The following RNF111 variants were observed in gnomAD, a reference collection of about 807,000 sequenced individuals.
RNF111 encodes the protein ring finger protein 111, also known as E3 ubiquitin-protein ligase Arkadia.
RNF111 carries 17 observed loss-of-function variants against 95.1 expected under a neutral mutation model. The ratio of observed to expected loss-of-function variants is 0.18; its 90% CI spans 0.12 to 0.27. The LOEUF is 0.27. Ranked by LOEUF, RNF111 falls within the 10% of genes least tolerant of loss-of-function variation. The pLI is 1.00. For missense variants in RNF111, 1,189 were observed against 1,210.4 expected, an observed-to-expected ratio of 0.98 and a Z score of 0.26; for synonymous variants, 440 against 414.8, an observed-to-expected ratio of 1.06 and a Z score of -0.74.
At chr15:59,049,693 A>ATATT (rs2041882733) in intron 2 of RNF111, 1 of 156,794 alleles carries the variant, frequency 6.4e-6, no homozygotes, top group Non-Finnish European at 1.4e-5. Context: ...TGCCATGGTA[A>ATATT]TATTTGTGGG....
At chr15:58,993,681 C>T (rs779461908) in intron 1 of RNF111, among the ~76,000 whole-genome samples, 13 of 152,130 alleles carry the variant, frequency 8.5e-5, no homozygotes, top group Non-Finnish European at 1.8e-4. Context: ...GGCACTGTGC[C>T]AGTGCTTGAG....
At chr15:59,089,643 A>T in intron 10 of RNF111, 24 bp from the exon 11 acceptor site, 1 of 1,540,208 alleles carries the variant, frequency 6.5e-7, no homozygotes, top group Non-Finnish European at 9.0e-7. Context: ...AAATTGATTT[A>T]GCCTATCTCT....
Position 59,005,461 on chromosome 15 carries a change from G to T in RNF111, c.-20+17393G>T, listed in dbSNP as rs1042105486. Among the ~76,000 whole-genome samples the T allele has an allele frequency of 7.2e-5, 11 of 152,242 alleles. No homozygotes were observed. The East Asian group carries it at 2.1e-3, about 29-fold the overall frequency. ...AGAAATTGTTTCCTTGGGCAGTTTT[G>T]CTCCCAACATTAGATCCCGCATTCT... is the stretch of plus-strand genomic sequence containing the variant. On this transcript the variant is annotated intron_variant, in intron 1 of 13. Coordinates refer to ENST00000348370, the MANE Select transcript of RNF111 (RefSeq NM_017610.8).
chr15:59,089,661 A>C lies in RNF111; in HGVS notation c.2551-6A>C, dbSNP rs762010431. 27 of 1,608,040 alleles carry C rather than the reference A, an allele frequency of 1.7e-5. No homozygotes were observed. In the Middle Eastern group the frequency reaches 9.9e-4, roughly 59 times the overall value. On this transcript the variant is annotated splice_polypyrimidine_tract_variant and splice_region_variant and intron_variant, in intron 10 of 13. Coordinates refer to ENST00000348370, the MANE Select transcript of RNF111 (RefSeq NM_017610.8). ...TTGATTTAGCCTATCTCTTCTGTTG[A>C]AATAGGTTCCTGATATGGCAGGCTA...
intron 1 of RNF111, among the ~76,000 whole-genome samples, chr15:59,030,538 C>G (rs1205783285): frequency 1.3e-5 from 2 of 152,070 alleles, no homozygotes; most frequent in African/African-American, 4.8e-5. Flanking sequence ...GCAATAAGAT[C>G]AGTTTTTGGT....
At chr15:59,057,559 C>T (rs2042249313) in intron 4 of RNF111, among the ~76,000 whole-genome samples, 1 of 152,124 alleles carries the variant, frequency 6.6e-6, no homozygotes, top group African/African-American at 2.4e-5. Flanking sequence ...TTTTAAGCAA[C>T]CATTTTAAAA....
intron 7 of RNF111, among the ~76,000 whole-genome samples, chr15:59,077,844 A>G (rs1386590693): frequency 3.3e-5 from 5 of 152,202 alleles, no homozygotes; most frequent in African/African-American, 1.2e-4. Flanking sequence ...GGAAATTTAA[A>G]TTGTATTATT....
intron 1 of RNF111, among the ~76,000 whole-genome samples, chr15:59,026,605 A>G (rs2141710172): frequency 6.6e-6 from 1 of 152,270 alleles, no homozygotes; most frequent in Non-Finnish European, 1.5e-5. Context: ...AATTTAGAAT[A>G]TTATCTGTTA....
chr15:59,003,305 C>T (rs1178962433), intron 1 of RNF111, among the ~76,000 whole-genome samples: 1 of 151,924 alleles, frequency 6.6e-6, no homozygotes, highest in Admixed American at 6.6e-5. Context: ...TGCTTTTGCC[C>T]TGTGGCCCAG....
At chr15:59,092,689 G>A in intron 13 of RNF111, 49 bp downstream of exon 13, 2 of 1,515,666 alleles carry the variant, frequency 1.3e-6, no homozygotes, top group Non-Finnish European at 1.8e-6. Context: ...CTGTACATGG[G>A]ATTTTATTTG....
rs1487322271 is a variant in RNF111 at position 59,094,981 on chromosome 15, C to G, written c.*81C>G. 4.1e-5 allele frequency: 35 copies of G among 846,736 alleles called. No homozygotes were observed. The allele number at this position is 846,736 out of a possible 1,614,324, so 52.5% of individuals were successfully genotyped here. A position where few individuals can be genotyped will look rare whatever the true frequency, so the allele number is the denominator to read the frequency against. On this transcript the variant is annotated 3_prime_UTR_variant, in exon 14 of 14. Transcript: ENST00000348370. ...AGTCAACCAAAGATGGCATGACTTA[C>G]CTGCGCAGATTTGGAAGCATTGAAC...
chr15:59,075,297 T>C (rs2043118898), intron 6 of RNF111, among the ~76,000 whole-genome samples: 1 of 152,216 alleles, frequency 6.6e-6, no homozygotes, highest in South Asian at 2.1e-4. Flanking sequence ...TAAATGTGCC[T>C]ATAAAATGCA....
chr15:59,000,338 A>G (rs144790036), intron 1 of RNF111, among the ~76,000 whole-genome samples: 61 of 151,768 alleles, frequency 4.0e-4, no homozygotes, highest in Admixed American at 7.9e-4. Flanking sequence ...TCATTTTTCT[A>G]TTTTTAGTAG....
intron 10 of RNF111, among the ~76,000 whole-genome samples, chr15:59,089,173 T>C (rs2078980663): frequency 6.6e-6 from 1 of 152,104 alleles, no homozygotes; most frequent in Non-Finnish European, 1.5e-5. Context: ...GTGGGTCAGT[T>C]CACACATATG....
chr15:58,989,128 G>A (rs2038695281), intron 1 of RNF111, among the ~76,000 whole-genome samples: 1 of 152,050 alleles, frequency 6.6e-6, no homozygotes, highest in African/African-American at 2.4e-5. Context: ...TGTAACGCTG[G>A]ACTTAGCTTT....
chr15:59,066,639 T>G, intron 5 of RNF111, 125 bp from the exon 6 acceptor site: 2 of 812,148 alleles, frequency 2.5e-6, no homozygotes, highest in South Asian at 3.7e-5. Context: ...ACTATCACAT[T>G]ATTTACAGAG....
intron 12 of RNF111, 106 bp downstream of exon 12, chr15:59,091,260 T>C: frequency 1.7e-6 from 1 of 601,308 alleles, no homozygotes; most frequent in Non-Finnish European, 2.9e-6. Context: ...TTTATTGAAG[T>C]AATGCATACA....
chr15:59,028,661 T>G (rs879824527), intron 1 of RNF111, among the ~76,000 whole-genome samples: 6 of 152,224 alleles, frequency 3.9e-5, no homozygotes, highest in Non-Finnish European at 8.8e-5. Flanking sequence ...TGTTCCCACT[T>G]TTTTGGCTGT....
At chr15:58,993,712 T>C (rs2038920691) in intron 1 of RNF111, among the ~76,000 whole-genome samples, 1 of 152,236 alleles carries the variant, frequency 6.6e-6, no homozygotes, top group Admixed American at 6.5e-5. Context: ...GGGCAGGCTC[T>C]TAACACCTGC....
Sources: allele counts gnomAD v4.1 joint callset (sites outside exome capture counted in the v4.1 genomes callset), GRCh38; gene constraint gnomAD v4.1.1; transcripts MANE v1.5; gene names NCBI Gene and HGNC (gene_info 2026-07-23, HGNC 2026-07-21).